The following PRUNE2 variants were observed in gnomAD, a reference collection of about 807,000 sequenced individuals.
PRUNE2 encodes prune homolog 2 with BCH domain.
Under a neutral mutation model 252.0 loss-of-function variants are expected in PRUNE2, and 164 were observed. The ratio of observed to expected loss-of-function variants is 0.65; its 90% CI spans 0.57 to 0.74. The LOEUF is 0.74. PRUNE2 is among the 30% of genes least tolerant of loss of function. The probability of loss-of-function intolerance (pLI) is 0.00; values close to 1 mark genes in which losing one functional copy is unlikely to be tolerated. For synonymous variants in PRUNE2, 1,292 were observed against 1,350.2 expected (o/e 0.96, Z 0.94); for missense variants, 3,495 against 3,711.0 (o/e 0.94, Z 1.51).
At chr9:76,697,257 G>A (rs896476132) in intron 9 of PRUNE2, among the ~76,000 whole-genome samples, 31 of 152,158 alleles carry the variant, frequency 2.0e-4, no homozygotes, top group African/African-American at 6.3e-4. Context: ...CTTTGTGGGC[G>A]TTCCTCCCAC....
At position 76,826,398 on chromosome 9, in the gene PRUNE2, G is replaced by A. The variant is rs548169113; in HGVS notation, c.661+182C>T. 4.7e-4 allele frequency among the ~76,000 whole-genome samples: 71 copies of A among 152,250 alleles called. 1 individual carries two copies. Among genetic ancestry groups the A allele is most frequent in the Admixed American group, 1.6e-3 (24 of 15,288 alleles). On this transcript the variant is annotated intron_variant, in intron 5 of 18. Transcript: ENST00000376718. Reference sequence around the variant, plus strand: ...ACAGGCATGAGAATCACCTGAACCCGGGAGGTCGAGGTTGCAGTGAGCTGA... The same window carrying A: ...ACAGGCATGAGAATCACCTGAACCCAGGAGGTCGAGGTTGCAGTGAGCTGA...
At chr9:76,895,833 G>C (rs2062786064) in intron 1 of PRUNE2, among the ~76,000 whole-genome samples, 1 of 151,860 alleles carries the variant, frequency 6.6e-6, no homozygotes, top group African/African-American at 2.4e-5. Flanking sequence ...ACCCAGGCTG[G>C]AGTGCAGTGG....
rs373769968 is a variant in PRUNE2 at position 76,713,636 on chromosome 9, C to G, written c.842G>C (p.Ser281Thr). The G allele has an allele frequency of 2.7e-5, 44 of 1,603,054 alleles. No individual in the cohort carries two copies. Among genetic ancestry groups the G allele is most frequent in the South Asian group, 2.7e-4 (24 of 88,700 alleles). ...CGGCTGCTGCTCCTCTGACAGATAGCTGGAGAACAGGATGAGGACATCAAA... is the reference window on the plus strand; with the variant it reads ...CGGCTGCTGCTCCTCTGACAGATAGGTGGAGAACAGGATGAGGACATCAAA... ...FGFDVLILFS[S>T]YLSEEQQPRR... Residue 281 changes from serine to threonine, a missense_variant, in exon 7 of 19, where the codon AGC becomes ACC. Ser to Thr is a moderately conservative substitution (Grantham distance 58, BLOSUM62 1). Coordinates refer to ENST00000376718, the MANE Select transcript of PRUNE2 (RefSeq NM_015225.3).
intron 9 of PRUNE2, among the ~76,000 whole-genome samples, chr9:76,666,644 C>T (rs2040241997): frequency 6.6e-6 from 1 of 152,094 alleles, no homozygotes; most frequent in Admixed American, 6.6e-5. Context: ...CCTTATCCTG[C>T]CCCTTTTGCC....
intron 15 of PRUNE2, among the ~76,000 whole-genome samples, chr9:76,635,058 C>T (rs1266876446): frequency 6.6e-6 from 1 of 152,126 alleles, no homozygotes; most frequent in East Asian, 1.9e-4. Flanking sequence ...CTGCAACCTC[C>T]TCCCAGGTTC....
At chr9:76,823,512 T>C (rs1342811538) in intron 6 of PRUNE2, 120 bp downstream of exon 6, 3 of 670,382 alleles carry the variant, frequency 4.5e-6, no homozygotes, top group African/African-American at 3.6e-5. Context: ...CCAAGTCAAA[T>C]GTATCACAAA....
intron 1 of PRUNE2, among the ~76,000 whole-genome samples, chr9:76,875,911 T>G (rs1290275123): frequency 6.6e-6 from 1 of 152,244 alleles, no homozygotes; most frequent in Non-Finnish European, 1.5e-5. Context: ...AGAATAACTG[T>G]TAAAAACACA....
chr9:76,848,432 T>C (rs1346212376), intron 3 of PRUNE2, among the ~76,000 whole-genome samples: 1 of 152,186 alleles, frequency 6.6e-6, no homozygotes, highest in Admixed American at 6.5e-5. Context: ...AGCATGAAGA[T>C]AAAAGCAGCC....
intron 6 of PRUNE2, among the ~76,000 whole-genome samples, chr9:76,721,639 T>C (rs2047653907): frequency 1.3e-5 from 2 of 152,294 alleles, no homozygotes; most frequent in South Asian, 2.1e-4. Flanking sequence ...GGCTGCATTT[T>C]TGGGAACAGT....
In PRUNE2 at chr9:76,846,029, C is replaced by T. The variant is rs555990928; in HGVS notation, c.508+486G>A. On this transcript the variant is annotated intron_variant, in intron 4 of 18. Coordinates refer to ENST00000376718, the MANE Select transcript of PRUNE2 (RefSeq NM_015225.3). ...CAGAATATGTTACAAGACAGGGGAG[C>T]AAAGGAGGTGACATCTGACTATAAA... Among the ~76,000 whole-genome samples, 235 of 152,230 alleles carry T rather than the reference C, an allele frequency of 1.5e-3. 1 individual carries two copies. Among genetic ancestry groups the T allele is most frequent in the African/African-American group, 5.4e-3 (223 of 41,546 alleles).
rs530769314 is a variant in PRUNE2 at position 76,838,409 on chromosome 9, C to T, written c.508+8106G>A. On this transcript the variant is annotated intron_variant, in intron 4 of 18. Coordinates refer to ENST00000376718, the MANE Select transcript of PRUNE2 (RefSeq NM_015225.3). ...TCTGTAATCCCAACACTTTGGGGGG[C>T]CGAGGCAGGTGGATCACTTGAGGCC... Among the ~76,000 whole-genome samples the T allele has an allele frequency of 4.6e-4, 70 of 151,986 alleles. 1 individual carries two copies. The South Asian group carries it at 0.014, about 31-fold the overall frequency.
intron 1 of PRUNE2, among the ~76,000 whole-genome samples, chr9:76,880,963 T>C (rs1012435432): frequency 2.0e-5 from 3 of 150,580 alleles, no homozygotes; most frequent in Non-Finnish European, 3.0e-5. Flanking sequence ...TTGTTAATTT[T>C]TTTTTTTTTT....
intron 1 of PRUNE2, chr9:76,869,213 T>C (rs1271091463): frequency 2.0e-5 from 3 of 152,266 alleles, no homozygotes; most frequent in Non-Finnish European, 4.4e-5. Context: ...ACACCTGGCA[T>C]GTCTGAAACC....
intron 6 of PRUNE2, among the ~76,000 whole-genome samples, chr9:76,807,748 T>G (rs985281808): frequency 6.6e-6 from 1 of 152,204 alleles, no homozygotes; most frequent in African/African-American, 2.4e-5. Flanking sequence ...ATTCTTGTTT[T>G]GCAGCTAGAG....
At chr9:76,733,784 A>T (rs188046336) in intron 6 of PRUNE2, 16 of 152,306 alleles carry the variant, frequency 1.1e-4, no homozygotes, top group Admixed American at 1.0e-3. Context: ...ATAATTAATT[A>T]ATTTGCCCTA....
chr9:76,656,088 A>G (rs1849106126), intron 9 of PRUNE2, among the ~76,000 whole-genome samples: 1 of 152,208 alleles, frequency 6.6e-6, no homozygotes, highest in South Asian at 2.1e-4. Flanking sequence ...CACTGTGAAT[A>G]TATGTTGGTG....
chr9:76,666,214 C>G (rs573397677), intron 9 of PRUNE2, among the ~76,000 whole-genome samples: 9 of 152,234 alleles, frequency 5.9e-5, no homozygotes, highest in African/African-American at 1.9e-4. Flanking sequence ...CGTGGTCTAG[C>G]GGTAGTGTCA....
At chr9:76,721,049 C>A (rs1391596779) in intron 6 of PRUNE2, among the ~76,000 whole-genome samples, 1 of 152,118 alleles carries the variant, frequency 6.6e-6, no homozygotes, top group Non-Finnish European at 1.5e-5. Flanking sequence ...TTGCAGTGAG[C>A]CGAGATCGCA....
intron 6 of PRUNE2, among the ~76,000 whole-genome samples, chr9:76,752,995 A>G (rs1363413228): frequency 6.6e-6 from 1 of 152,228 alleles, no homozygotes; most frequent in African/African-American, 2.4e-5. Flanking sequence ...ACTATGTATT[A>G]ACTCTAAAGA....
Sources: gnomAD v4.1 joint callset for allele counts (sites outside exome capture counted in the v4.1 genomes callset) on GRCh38, gnomAD v4.1.1 for gene constraint, MANE v1.5 for transcripts, NCBI Gene and HGNC (gene_info 2026-07-23, HGNC 2026-07-21) for gene names.